IFFO2: variants seen among roughly 807,000 people sequenced by gnomAD.
IFFO2 encodes intermediate filament family orphan 2.
A neutral mutation model predicts 53.5 loss-of-function variants in IFFO2; 19 were observed. The observed-to-expected ratio is 0.36, with a 90% CI of 0.25 to 0.52. The LOEUF (loss-of-function observed/expected upper bound fraction) is 0.52, where lower values mean the gene tolerates loss of function less well. IFFO2 is among the 20% of genes least tolerant of loss of function. The pLI is 0.94. For missense variants in IFFO2, 570 were observed against 727.4 expected (o/e 0.78, Z 2.49); for synonymous variants, 303 against 313.6 (o/e 0.97, Z 0.36).
chr1:18,916,728 C>T lies in IFFO2; in HGVS notation c.1103+175G>A, dbSNP rs545636451. ...CTGCAGTGAGCTGTGACCATGCCGCCGCACTCCAGCCTCCAGCCTGGGTGA... is the reference window on the plus strand; with the variant it reads ...CTGCAGTGAGCTGTGACCATGCCGCTGCACTCCAGCCTCCAGCCTGGGTGA... On this transcript the variant is annotated intron_variant, in intron 5 of 8. Coordinates refer to ENST00000455833, the MANE Select transcript of IFFO2 (RefSeq NM_001136265.2). The surrounding 1 kb of genome is among the most constrained non-coding windows in gnomAD (Gnocchi z 4.3). 1.1e-4 allele frequency among the ~76,000 whole-genome samples: 16 copies of T among 152,132 alleles called. No individual in the cohort carries two copies. The highest frequency in any genetic ancestry group is 4.2e-4 in the South Asian group (2 of 4,818).
At chr1:18,938,992 G>A (rs1415208299) in intron 1 of IFFO2, among the ~76,000 whole-genome samples, 1 of 152,224 alleles carries the variant, frequency 6.6e-6, no homozygotes, top group Non-Finnish European at 1.5e-5. Context: ...TCTTGCCCCA[G>A]CCACAGGAGC....
At chr1:18,920,693 C>A (rs999834436) in intron 2 of IFFO2, among the ~76,000 whole-genome samples, 1 of 152,174 alleles carries the variant, frequency 6.6e-6, no homozygotes, top group African/African-American at 2.4e-5. Context: ...CAACCGAGGG[C>A]ACCCTTCTTG....
In IFFO2 at chr1:18,935,897, A is replaced by T. The variant is rs1469554573; in HGVS notation, c.666-14776T>A. On this transcript the variant is annotated intron_variant, in intron 1 of 8. Coordinates refer to ENST00000455833, the MANE Select transcript of IFFO2 (RefSeq NM_001136265.2). ...TTTTTTTTTTTTTTTTGTAGAGACA[A>T]GGTCTCACTATGTTGCCCAGATTGG... Among the ~76,000 whole-genome samples, 9 of 139,620 alleles carry T rather than the reference A, an allele frequency of 6.4e-5. 1 individual carries two copies. The highest frequency in any genetic ancestry group is 2.5e-4 in the African/African-American group (9 of 36,372). 91.6% of individuals were successfully genotyped at this position (139,620 alleles called of 152,430 possible).
At chr1:18,922,970 A>G (rs931681223) in intron 1 of IFFO2, among the ~76,000 whole-genome samples, 1 of 152,002 alleles carries the variant, frequency 6.6e-6, no homozygotes, top group Non-Finnish European at 1.5e-5. Context: ...AGCACAGGGC[A>G]TCTGGGGCTT....
intron 1 of IFFO2, among the ~76,000 whole-genome samples, chr1:18,951,233 G>C (rs1190677099): frequency 6.6e-6 from 1 of 152,138 alleles, no homozygotes; most frequent in Non-Finnish European, 1.5e-5. Flanking sequence ...CAAATCTCAG[G>C]TACTCAGCCT....
intron 1 of IFFO2, among the ~76,000 whole-genome samples, chr1:18,939,150 C>T (rs549896733): frequency 7.9e-5 from 12 of 152,188 alleles, no homozygotes; most frequent in African/African-American, 1.4e-4. Flanking sequence ...TGGGTGGGAG[C>T]GGAGAAGATG....
chr1:18,929,986 C>T (rs182573435), intron 1 of IFFO2, among the ~76,000 whole-genome samples: 18 of 152,314 alleles, frequency 1.2e-4, no homozygotes, highest in African/African-American at 4.3e-4. Context: ...GCTCAAAAGC[C>T]AGCTGAGACG....
chr1:18,950,499 C>CG (rs1936646508), intron 1 of IFFO2, among the ~76,000 whole-genome samples: 1 of 152,204 alleles, frequency 6.6e-6, no homozygotes, highest in Admixed American at 6.5e-5. Flanking sequence ...GGGAGCTCCA[C>CG]GGGCAGCTCA....
In IFFO2 at chr1:18,905,402, T is replaced by G. The variant is rs1369450777; in HGVS notation, c.*3159A>C. On this transcript the variant is annotated 3_prime_UTR_variant, in exon 9 of 9. Transcript: ENST00000455833. ...GCTACCACAACTGCCTACCCTAGAT[T>G]AAAAAACCCTTCCTTTCATAAAAAT... 2 of 152,072 alleles carry G rather than the reference T, an allele frequency of 1.3e-5. No individual in the cohort carries two copies. Among genetic ancestry groups the G allele is most frequent in the African/African-American group, 4.8e-5 (2 of 41,396 alleles). 9.4% of individuals were successfully genotyped at this position (152,072 alleles called of 1,614,324 possible). A position where few individuals can be genotyped will look rare whatever the true frequency, so the allele number is the denominator to read the frequency against.
chr1:18,950,861 A>C (rs1397276123), intron 1 of IFFO2, among the ~76,000 whole-genome samples: 8 of 152,230 alleles, frequency 5.3e-5, no homozygotes. Flanking sequence ...TCCGGCTCAC[A>C]GTCAGAAATA....
rs1936145171 is a variant in IFFO2 at position 18,917,136 on chromosome 1, T to C, written c.964-94A>G. The C allele has an allele frequency of 3.6e-6, 5 of 1,389,558 alleles. No homozygotes were observed. In the Admixed American group the frequency reaches 6.3e-5, roughly 18 times the overall value. The allele number at this position is 1,389,558 out of a possible 1,614,324, so 86.1% of individuals were successfully genotyped here. On this transcript the variant is annotated intron_variant, in intron 4 of 8. Transcript: ENST00000455833. This position sits in a 1 kb window ranked among gnomAD's most constrained non-coding sequence, Gnocchi z 5.9. ...GGAAGGGAGCCGGCATCTCACAGGA[T>C]GATGAGCGTGACTGGGGCCGGCCAG...
chr1:18,910,668 A>C, intron 7 of IFFO2, among the ~76,000 whole-genome samples, 196 bp from the exon 8 acceptor site: 1 of 151,590 alleles, frequency 6.6e-6, no homozygotes, highest in African/African-American at 2.4e-5. Flanking sequence ...TTCCCCTAGA[A>C]CTCCTTCTGG....
In IFFO2 at chr1:18,906,607, A is replaced by T. The variant is rs1455541850; in HGVS notation, c.*1954T>A. Reference sequence around the variant, plus strand: ...CTGATAACCTTTGGTTAAAATAAAAATTCAACAACAATAACAACAAGAATC... The same window carrying T: ...CTGATAACCTTTGGTTAAAATAAAATTTCAACAACAATAACAACAAGAATC... On this transcript the variant is annotated 3_prime_UTR_variant, in exon 9 of 9. Coordinates refer to ENST00000455833, the MANE Select transcript of IFFO2 (RefSeq NM_001136265.2). 1 of 152,234 alleles carries T rather than the reference A, an allele frequency of 6.6e-6. No homozygotes were observed. The highest frequency in any genetic ancestry group is 1.5e-5 in the Non-Finnish European group (1 of 68,040). 9.4% of individuals were successfully genotyped at this position (152,234 alleles called of 1,614,324 possible).
Position 18,908,506 on chromosome 1 carries a change from G to A in IFFO2, c.*55C>T, listed in dbSNP as rs1396895670. 1 of 1,308,264 alleles carries A rather than the reference G, an allele frequency of 7.6e-7. No homozygotes were observed. The highest frequency in any genetic ancestry group is 1.5e-5 in the African/African-American group (1 of 68,150). The allele number at this position is 1,308,264 out of a possible 1,614,324, so 81.0% of individuals were successfully genotyped here. On this transcript the variant is annotated 3_prime_UTR_variant, in exon 9 of 9. Coordinates refer to ENST00000455833, the MANE Select transcript of IFFO2 (RefSeq NM_001136265.2). Reference sequence around the variant, plus strand: ...CCGAGGGGCCTTCCTGGCCCCATGAGGAGAGGTGGCAGGGCCCCATCACCA... The same window carrying A: ...CCGAGGGGCCTTCCTGGCCCCATGAAGAGAGGTGGCAGGGCCCCATCACCA...
intron 1 of IFFO2, among the ~76,000 whole-genome samples, chr1:18,934,710 A>AT (rs1936422684): frequency 1.3e-5 from 2 of 152,110 alleles, no homozygotes; most frequent in African/African-American, 2.4e-5. Context: ...TTCTTATGAG[A>AT]TTTTCTCTTC....
chr1:18,941,886 C>T (rs947713215), intron 1 of IFFO2, among the ~76,000 whole-genome samples: 2 of 152,110 alleles, frequency 1.3e-5, no homozygotes, highest in African/African-American at 4.8e-5. Flanking sequence ...TTCCATCAGG[C>T]CCTCCTAGGA....
At chr1:18,950,188 G>T (rs921022172) in intron 1 of IFFO2, among the ~76,000 whole-genome samples, 1 of 152,194 alleles carries the variant, frequency 6.6e-6, no homozygotes, top group African/African-American at 2.4e-5. Flanking sequence ...AGCCTTCTTA[G>T]ATGCCGGACA....
At chr1:18,948,782 C>A (rs1236775206) in intron 1 of IFFO2, among the ~76,000 whole-genome samples, 2 of 152,246 alleles carry the variant, frequency 1.3e-5, no homozygotes, top group East Asian at 3.8e-4. Flanking sequence ...GGTTCTCAAC[C>A]TCTGCCCACC....
intron 1 of IFFO2, among the ~76,000 whole-genome samples, chr1:18,943,046 G>C (rs1168469749): frequency 6.6e-6 from 1 of 151,888 alleles, no homozygotes; most frequent in Non-Finnish European, 1.5e-5. Context: ...TTTATTTAAA[G>C]GTAAGTGTGA....
Sources: allele counts gnomAD v4.1 joint callset (sites outside exome capture counted in the v4.1 genomes callset), GRCh38; gene constraint gnomAD v4.1.1; non-coding constraint Gnocchi (gnomAD v3.1); transcripts MANE v1.5; gene names NCBI Gene and HGNC (gene_info 2026-07-23, HGNC 2026-07-21).